The following PSPC1 variants were observed in gnomAD, a reference collection of about 807,000 sequenced individuals.
PSPC1 encodes the protein paraspeckle protein 1.
A neutral mutation model predicts 51.6 loss-of-function variants in PSPC1; 14 were observed. That is an observed-to-expected ratio of 0.27 (90% confidence interval 0.18 to 0.42). The LOEUF is 0.42. Ranked by LOEUF, PSPC1 falls within the 10% of genes least tolerant of loss-of-function variation. PSPC1 has a pLI of 1.00. For synonymous variants in PSPC1, 193 were observed against 231.9 expected, an observed-to-expected ratio of 0.83 and a Z score of 1.53; for missense variants, 406 against 701.1, an observed-to-expected ratio of 0.58 and a Z score of 4.75.
intron 2 of PSPC1, among the ~76,000 whole-genome samples, chr13:19,764,452 G>C (rs558966167): frequency 6.6e-6 from 1 of 152,086 alleles, no homozygotes; most frequent in South Asian, 2.1e-4. Context: ...ATTTGTGACT[G>C]ATCTTTCCTC....
At chr13:19,688,744 C>A (rs907447018) in intron 6 of PSPC1, among the ~76,000 whole-genome samples, 4 of 152,092 alleles carry the variant, frequency 2.6e-5, no homozygotes, top group Non-Finnish European at 5.9e-5. Context: ...ATGACTCGAG[C>A]GTCTACTAAC....
intron 6 of PSPC1, among the ~76,000 whole-genome samples, chr13:19,715,180 T>G (rs570343265): frequency 6.6e-6 from 1 of 152,320 alleles, no homozygotes; most frequent in East Asian, 1.9e-4. Flanking sequence ...TAGCAGGACT[T>G]TGGCACCCTC....
In PSPC1 at chr13:19,703,337, T is replaced by G; in HGVS notation, c.1410A>C (p.Gly470=). The G allele has an allele frequency of 6.2e-7, 1 of 1,605,240 alleles. No homozygotes were observed. ...TAGGTGAACCCATCTGAGATGGTGG[T>G]CCTTGAGGAAATCTGTCATTGTGCT... The part of the protein sequence containing the change: ...GAVHNDRFPQ[G]PPSQMGSPMG... The change falls in exon 9 of 9, where the codon GGA becomes GGC. Residue 470 remains glycine (G), a synonymous_variant. Coordinates refer to ENST00000338910, the MANE Select transcript of PSPC1 (RefSeq NM_001354909.2).
intron 6 of PSPC1, among the ~76,000 whole-genome samples, chr13:19,685,093 T>C (rs1877715665): frequency 6.6e-6 from 1 of 152,222 alleles, no homozygotes; most frequent in Non-Finnish European, 1.5e-5. Flanking sequence ...AAACAAAGTA[T>C]AAGGAAAGCC....
chr13:19,715,785 G>A (rs796484667), intron 6 of PSPC1, among the ~76,000 whole-genome samples: 8 of 152,028 alleles, frequency 5.3e-5, no homozygotes, highest in South Asian at 4.2e-4. Flanking sequence ...AGGCTGAGGC[G>A]GATGGATCAC....
chr13:19,703,995 C>CT (rs1263344452), intron 8 of PSPC1, among the ~76,000 whole-genome samples: 6 of 152,174 alleles, frequency 3.9e-5, no homozygotes, highest in Non-Finnish European at 8.8e-5. Context: ...TTTTGAAAAA[C>CT]TTCACAATAA....
rs567236231 is a variant in PSPC1 at position 19,768,535 on chromosome 13, CT to C, written c.674+3706del. ...TGGTGGCTGGCGCCTGTAGTCTCAG[CT>C]ACTCAGGAGGTTGAGGCAGGAGAAT... On this transcript the variant is annotated intron_variant, in intron 2 of 8. Transcript: ENST00000338910. Among the ~76,000 whole-genome samples, 142 of 150,780 alleles carry C rather than the reference CT, an allele frequency of 9.4e-4. 4 individuals are homozygous for C. The highest frequency in any genetic ancestry group is 3.4e-3 in the African/African-American group (138 of 40,836).
chr13:19,709,367 C>T (rs912790801), intron 7 of PSPC1, among the ~76,000 whole-genome samples, 175 bp downstream of exon 7: 5 of 152,064 alleles, frequency 3.3e-5, no homozygotes, highest in African/African-American at 1.2e-4. Flanking sequence ...TCTTCCCAGA[C>T]ATATATTTTT....
At chr13:19,774,818 A>AAG (rs761844408) in intron 1 of PSPC1, among the ~76,000 whole-genome samples, 9 of 145,078 alleles carry the variant, frequency 6.2e-5, no homozygotes, top group African/African-American at 7.5e-5. Flanking sequence ...AAAAAAAAAA[A>AAG]CAAAAAAAAA....
chr13:19,782,846 T>A lies in PSPC1; in HGVS notation c.-89A>T, dbSNP rs1395133457. The A allele has an allele frequency of 2.2e-6, 3 of 1,341,098 alleles. No homozygotes were observed. Among genetic ancestry groups the A allele is most frequent in the South Asian group, 2.1e-5 (1 of 47,294 alleles). The allele number at this position is 1,341,098 out of a possible 1,614,324, so 83.1% of individuals were successfully genotyped here. A position where few individuals can be genotyped will look rare whatever the true frequency, so the allele number is the denominator to read the frequency against. On this transcript the variant is annotated 5_prime_UTR_variant, in exon 1 of 9. Transcript: ENST00000338910. The surrounding 1 kb of genome is among the most constrained non-coding windows in gnomAD (Gnocchi z 4.5). Reference sequence around the variant, plus strand: ...ATGTATACGTCTCTACATAAACCTATGCCAACAAAATATCGACAATCAAGA... The same window carrying A: ...ATGTATACGTCTCTACATAAACCTAAGCCAACAAAATATCGACAATCAAGA...
chr13:19,758,842 A>C (rs1887341686), intron 3 of PSPC1, among the ~76,000 whole-genome samples: 1 of 136,700 alleles, frequency 7.3e-6, no homozygotes, highest in Non-Finnish European at 1.6e-5. Flanking sequence ...TCTCAAAAAC[A>C]AAAAAAAAAA....
intron 3 of PSPC1, among the ~76,000 whole-genome samples, chr13:19,753,619 A>G (rs1028192919): frequency 6.6e-6 from 1 of 152,084 alleles, no homozygotes; most frequent in Non-Finnish European, 1.5e-5. Flanking sequence ...AACAATTCCC[A>G]CTCCATGAAT....
chr13:19,715,789 G>A (rs1882016601), intron 6 of PSPC1, among the ~76,000 whole-genome samples: 1 of 152,022 alleles, frequency 6.6e-6, no homozygotes, highest in African/African-American at 2.4e-5. Context: ...TGAGGCGGAT[G>A]GATCACGAGG....
At chr13:19,738,598 T>C (rs1036593581) in intron 5 of PSPC1, among the ~76,000 whole-genome samples, 2 of 152,224 alleles carry the variant, frequency 1.3e-5, no homozygotes, top group Non-Finnish European at 2.9e-5. Context: ...ATAGTTGTTA[T>C]ACTGCACGGT....
intron 6 of PSPC1, among the ~76,000 whole-genome samples, chr13:19,686,455 A>C (rs1277672274): frequency 2.0e-5 from 3 of 152,236 alleles, no homozygotes; most frequent in East Asian, 3.9e-4. Flanking sequence ...AGTGATCACA[A>C]AAAAAAATTG....
At chr13:19,760,479 G>A (rs564564766) in intron 2 of PSPC1, among the ~76,000 whole-genome samples, 2 of 150,980 alleles carry the variant, frequency 1.3e-5, no homozygotes, top group African/African-American at 2.4e-5. Flanking sequence ...AGTGAGTGGC[G>A]ATCGCACCAC....
Position 19,772,239 on chromosome 13 carries a change from T to C in PSPC1, c.674+3A>G. ...GAAGAAGGACAAGATATTTAAAACTTACGTTGTTAGCAAGAATGCCCCATC... is the reference window on the plus strand; with the variant it reads ...GAAGAAGGACAAGATATTTAAAACTCACGTTGTTAGCAAGAATGCCCCATC... On this transcript the variant is annotated splice_donor_region_variant and intron_variant, in intron 2 of 8. Transcript: ENST00000338910. 6.2e-7 allele frequency: 1 copy of C among 1,611,082 alleles called. No homozygotes were observed.
Position 19,782,556 on chromosome 13 carries a change from T to C in PSPC1, c.202A>G (p.Lys68Glu). 1 of 1,611,912 alleles carries C rather than the reference T, an allele frequency of 6.2e-7. No individual in the cohort carries two copies. The highest frequency in any genetic ancestry group is 8.5e-7 in the Non-Finnish European group (1 of 1,179,130). The change falls in exon 1 of 9, where the codon AAG (lysine) becomes GAG (glutamate). Residue 68 changes from lysine (K) to glutamate (E), a missense_variant. By Grantham distance (56) the Lys-to-Glu change is moderately conservative (BLOSUM62 1). Around this residue, in one of 5 missense-constraint regions of PSPC1, gnomAD observed 128 missense variants for 107.1 expected, o/e 1.20. Transcript: ENST00000338910. The surrounding 1 kb of genome is among the most constrained non-coding windows in gnomAD (Gnocchi z 4.5). ...DEEMGFTIDI[K>E]SFLKPGEKTY... ...TTCTCGCCCGGCTTGAGGAAACTCT[T>C]GATGTCGATAGTGAACCCCATCTCC...
chr13:19,731,396 C>T (rs1884095389), intron 5 of PSPC1, among the ~76,000 whole-genome samples: 1 of 134,152 alleles, frequency 7.5e-6, no homozygotes, highest in African/African-American at 2.5e-5. Context: ...CTGAAATGCT[C>T]CAAAATCTGG....
Sources: allele counts gnomAD v4.1 joint callset (sites outside exome capture counted in the v4.1 genomes callset), GRCh38; gene constraint gnomAD v4.1.1; regional missense constraint gnomAD v4.1.1; non-coding constraint Gnocchi (gnomAD v3.1); transcripts MANE v1.5; gene names NCBI Gene and HGNC (gene_info 2026-07-23, HGNC 2026-07-21).